The following CHAC1 variants were observed in gnomAD, a reference collection of about 807,000 sequenced individuals.
The protein encoded by CHAC1 is glutathione-specific gamma-glutamylcyclotransferase 1.
A neutral mutation model predicts 22.1 loss-of-function variants in CHAC1; 22 were observed. The observed-to-expected ratio is 1.00, with a 90% CI of 0.71 to 1.42. CHAC1 has a LOEUF of 1.42. Among genes scored for constraint, CHAC1 ranks in the 40% most tolerant of loss-of-function variants. CHAC1 has a pLI of 0.00. For missense variants in CHAC1, 272 were observed against 299.2 expected (o/e 0.91, Z 0.67); for synonymous variants, 145 against 128.7 (o/e 1.13, Z -0.86).
At chr15:40,953,875 TG>T (rs1893167690) in intron 1 of CHAC1, 61 bp downstream of exon 1, 1 of 1,284,024 alleles carries the variant, frequency 7.8e-7, no homozygotes, top group South Asian at 1.4e-5. Context: ...TGGGCGCCAG[TG>T]CCCTGGAATG....
rs763522455 is a variant in CHAC1, at chr15:40,953,762, A to G, written c.179A>G (p.Tyr60Cys). 8.1e-6 allele frequency: 13 copies of G among 1,599,854 alleles called. No individual in the cohort carries two copies. In the South Asian group the frequency reaches 1.1e-4, roughly 14 times the overall value. The change falls in exon 1 of 3, where the codon TAC becomes TGC. Residue 60 changes from tyrosine (Y) to cysteine (C), a missense_variant. Transcript: ENST00000617768. ...AGCCGTGTGGGCTTCGTGCGCGGCT[A>G]CAGCCGCCGTTTCTGGCAGGGAGAC... Reference protein sequence around the residue: ...SDSRVGFVRGYSRRFWQGDTF... With the variant: ...SDSRVGFVRGCSRRFWQGDTF...
rs762440240 is a variant in CHAC1, at chr15:40,955,764, C to T, written c.659C>T (p.Ala220Val). 323 of 1,593,872 alleles carry T rather than the reference C, an allele frequency of 2.0e-4. No individual in the cohort carries two copies. The highest frequency in any genetic ancestry group is 4.5e-4 in the East Asian group (20 of 44,690). Residue 220 changes from alanine (A) to valine (V), a missense_variant, in exon 3 of 3, where the codon GCG becomes GTG. Coordinates refer to ENST00000617768, the MANE Select transcript of CHAC1 (RefSeq NM_024111.6). Reference sequence around the variant, plus strand: ...TTCTGCCCCACCGAGCAGGCTCTGGCGCTGGTGTGAGGGGCTGAGCCCCTG... The same window carrying T: ...TTCTGCCCCACCGAGCAGGCTCTGGTGCTGGTGTGAGGGGCTGAGCCCCTG... ...PCFCPTEQAL[A>V]LV
chr15:40,953,566 A>G lies in CHAC1; in HGVS notation c.-18A>G, dbSNP rs1893153932. 1 of 1,609,548 alleles carries G rather than the reference A, an allele frequency of 6.2e-7. No homozygotes were observed. Among genetic ancestry groups the G allele is most frequent in the Non-Finnish European group, 8.5e-7 (1 of 1,179,840 alleles). ...CCAGCCCCGGAGGCCGCCTGGGCCT[A>G]TCCCTGTGCCAGGCACCATGAAGCA... On this transcript the variant is annotated 5_prime_UTR_variant, in exon 1 of 3. Coordinates refer to ENST00000617768, the MANE Select transcript of CHAC1 (RefSeq NM_024111.6).
At chr15:40,955,093 A>T (rs1893207503) in intron 2 of CHAC1, among the ~76,000 whole-genome samples, 1 of 152,072 alleles carries the variant, frequency 6.6e-6, no homozygotes, top group Non-Finnish European at 1.5e-5. Context: ...GGGTTTCACC[A>T]TTTTGGCCAG....
In CHAC1 at chr15:40,955,686, A is replaced by T; in HGVS notation, c.581A>T (p.Gln194Leu). 1 of 1,610,092 alleles carries T rather than the reference A, an allele frequency of 6.2e-7. No individual in the cohort carries two copies. The highest frequency in any genetic ancestry group is 8.5e-7 in the Non-Finnish European group (1 of 1,179,998). ...ATGCAGCTCTGTGGGCCTCAGGCGC[A>T]GGACGAGCACCTGGCAGCCATCGTG... is the stretch of plus-strand genomic sequence containing the variant. ...DFMQLCGPQA[Q>L]DEHLAAIVDA... The change falls in exon 3 of 3, where the codon CAG becomes CTG. Residue 194 changes from glutamine to leucine, a missense_variant. Coordinates refer to ENST00000617768, the MANE Select transcript of CHAC1 (RefSeq NM_024111.6).
intron 1 of CHAC1, 27 bp downstream of exon 1, chr15:40,953,841 G>T: frequency 6.5e-7 from 1 of 1,543,194 alleles, no homozygotes; most frequent in Non-Finnish European, 8.7e-7. Flanking sequence ...GCCCAGGGGA[G>T]TGAGGGGGTT....
At chr15:40,954,145 C>T in intron 1 of CHAC1, 83 bp from the exon 2 acceptor site, 1 of 1,468,104 alleles carries the variant, frequency 6.8e-7, no homozygotes, top group South Asian at 1.1e-5. Flanking sequence ...AGGCCCGGGT[C>T]AGCGGGATTG....
Position 40,955,458 on chromosome 15 carries a change from T to C in CHAC1, c.353T>C (p.Leu118Pro). 6.2e-6 allele frequency: 10 copies of C among 1,614,122 alleles called. No homozygotes were observed. Among genetic ancestry groups the C allele is most frequent in the Non-Finnish European group, 8.5e-6 (10 of 1,179,984 alleles). ...LKYLNVREAVLGGYDTKEVTF... is the reference protein window; with the variant it reads ...LKYLNVREAVPGGYDTKEVTF... Reference sequence around the variant, plus strand: ...TACCTGAATGTGCGAGAGGCAGTGCTTGGTGGCTACGATACCAAGGAGGTC... The same window carrying C: ...TACCTGAATGTGCGAGAGGCAGTGCCTGGTGGCTACGATACCAAGGAGGTC... The change falls in exon 3 of 3, where the codon CTT becomes CCT. Residue 118 changes from leucine to proline, a missense_variant. Physicochemically the swap from Leu to Pro is moderately conservative, Grantham distance 98. Coordinates refer to ENST00000617768, the MANE Select transcript of CHAC1 (RefSeq NM_024111.6).
Position 40,955,407 on chromosome 15 carries a change from G to A in CHAC1, c.302G>A (p.Gly101Glu). Reference sequence around the variant, plus strand: ...TGGGGCGTGGCATACCAAGTGCAAGGGGAGCAGGTAAGCAAGGCCCTGAAG... The same window carrying A: ...TGGGGCGTGGCATACCAAGTGCAAGAGGAGCAGGTAAGCAAGGCCCTGAAG... ...CTWGVAYQVQGEQVSKALKYL... is the reference protein window; with the variant it reads ...CTWGVAYQVQEEQVSKALKYL... The change falls in exon 3 of 3, where the codon GGG becomes GAG. Residue 101 changes from glycine (G) to glutamate (E), a missense_variant. Coordinates refer to ENST00000617768, the MANE Select transcript of CHAC1 (RefSeq NM_024111.6). 1 of 1,613,998 alleles carries A rather than the reference G, an allele frequency of 6.2e-7. No individual in the cohort carries two copies. The highest frequency in any genetic ancestry group is 8.5e-7 in the Non-Finnish European group (1 of 1,179,968).
In CHAC1 at chr15:40,955,728, T is replaced by C. The variant is rs1219466531; in HGVS notation, c.623T>C (p.Met208Thr). The part of the protein sequence containing the change: ...LAAIVDAVGT[M>T]LPCFCPTEQA... ...GCCATCGTGGACGCTGTGGGCACCA[T>C]GTTGCCCTGCTTCTGCCCCACCGAG... Residue 208 changes from methionine to threonine, a missense_variant, in exon 3 of 3, where the codon ATG becomes ACG. Physicochemically the swap from Met to Thr is moderately conservative, Grantham distance 81. Transcript: ENST00000617768. 1 of 1,603,552 alleles carries C rather than the reference T, an allele frequency of 6.2e-7. No homozygotes were observed. The highest frequency in any genetic ancestry group is 8.5e-7 in the Non-Finnish European group (1 of 1,179,612).
rs560732624 is a variant in CHAC1 at position 40,953,996 on chromosome 15, A to G, written c.231+182A>G. Among the ~76,000 whole-genome samples the G allele has an allele frequency of 5.3e-5, 8 of 151,962 alleles. No individual in the cohort carries two copies. In the East Asian group the frequency reaches 1.4e-3, roughly 26 times the overall value. On this transcript the variant is annotated intron_variant, in intron 1 of 2. Coordinates refer to ENST00000617768, the MANE Select transcript of CHAC1 (RefSeq NM_024111.6). The stretch of plus-strand genomic sequence containing the variant: ...ATCACTGTGATGGCTGGAGTCTGTG[A>G]ACCTGTGGATCCCTGTGTTGATCAC...
chr15:40,953,836 G>A, intron 1 of CHAC1, 22 bp downstream of exon 1: 1 of 1,546,518 alleles, frequency 6.5e-7, no homozygotes, highest in Non-Finnish European at 8.7e-7. Flanking sequence ...ACCGTGCCCA[G>A]GGGAGTGAGG....
In CHAC1 at chr15:40,953,665, G is replaced by T. The variant is rs1227860030; in HGVS notation, c.82G>T (p.Gly28Cys). The T allele has an allele frequency of 1.2e-6, 2 of 1,608,866 alleles. No individual in the cohort carries two copies. Among genetic ancestry groups the T allele is most frequent in the African/African-American group, 1.3e-5 (1 of 74,934 alleles). ...GTCCGCTCAGTTCCCCCGAAACGAC[G>T]GCGACCCTCAAGCGCTGTGGATTTT... ...TPSAQFPRND[G>C]DPQALWIFGY... is the part of the protein sequence containing the mutation. The change falls in exon 1 of 3, where the codon GGC (glycine) becomes TGC (cysteine). Residue 28 changes from glycine to cysteine, a missense_variant. Physicochemically the swap from Gly to Cys is radical, Grantham distance 159. Transcript: ENST00000617768.
rs766344919 is a variant in CHAC1, at chr15:40,954,223, C to T, written c.232-5C>T. On this transcript the variant is annotated splice_region_variant and splice_polypyrimidine_tract_variant and intron_variant, in intron 1 of 2. Transcript: ENST00000617768. Reference sequence around the variant, plus strand: ...TCTATTTCAAAATATTTCTTCCCTCCCTAGCCTGGCCGTGTGGTGACGCTC... The same window carrying T: ...TCTATTTCAAAATATTTCTTCCCTCTCTAGCCTGGCCGTGTGGTGACGCTC... 6 of 1,613,930 alleles carry T rather than the reference C, an allele frequency of 3.7e-6. No individual in the cohort carries two copies. The highest frequency in any genetic ancestry group is 2.2e-5 in the East Asian group (1 of 44,890).
In CHAC1 at chr15:40,955,371, A is replaced by T; in HGVS notation, c.268-2A>T. 9 of 1,613,390 alleles carry T rather than the reference A, an allele frequency of 5.6e-6. No individual in the cohort carries two copies. The highest frequency in any genetic ancestry group is 6.8e-6 in the Non-Finnish European group (8 of 1,179,580). On this transcript the variant is annotated splice_acceptor_variant, in intron 2 of 2. Transcript: ENST00000617768. LOFTEE classifies it high-confidence loss of function. Reference sequence around the variant, plus strand: ...ACCCCGGGTGTCCCTATTTCTTCCCAGGGCTGCACTTGGGGCGTGGCATAC... The same window carrying T: ...ACCCCGGGTGTCCCTATTTCTTCCCTGGGCTGCACTTGGGGCGTGGCATAC...
rs1400549252 is a variant in CHAC1 at position 40,955,425 on chromosome 15, C to T, written c.320C>T (p.Ala107Val). 3.1e-6 allele frequency: 5 copies of T among 1,613,990 alleles called. No individual in the cohort carries two copies. Among genetic ancestry groups the T allele is most frequent in the Non-Finnish European group, 4.2e-6 (5 of 1,180,016 alleles). ...YQVQGEQVSK[A>V]LKYLNVREAV... ...GTGCAAGGGGAGCAGGTAAGCAAGG[C>T]CCTGAAGTACCTGAATGTGCGAGAG... Residue 107 changes from alanine to valine, a missense_variant, in exon 3 of 3, where the codon GCC (alanine) becomes GTC (valine). By Grantham distance (64) the Ala-to-Val change is moderately conservative. Coordinates refer to ENST00000617768, the MANE Select transcript of CHAC1 (RefSeq NM_024111.6).
At chr15:40,954,409 C>A in intron 2 of CHAC1, 146 bp downstream of exon 2, 2 of 808,596 alleles carry the variant, frequency 2.5e-6, no homozygotes, top group South Asian at 1.5e-5. Flanking sequence ...TGCTTCTCAC[C>A]AAATCACATG....
Position 40,955,297 on chromosome 15 carries a change from G to T in CHAC1, c.268-76G>T, listed in dbSNP as rs564927122. On this transcript the variant is annotated intron_variant, in intron 2 of 2. Transcript: ENST00000617768. Reference sequence around the variant, plus strand: ...CTTATAGAGCACAGTCCTGGGTGGGGGTGGCATGTTAGGATAGGAGAGGGA... The same window carrying T: ...CTTATAGAGCACAGTCCTGGGTGGGTGTGGCATGTTAGGATAGGAGAGGGA... The T allele has an allele frequency of 2.8e-5, 43 of 1,509,280 alleles. No homozygotes were observed. The East Asian group carries it at 8.1e-4, about 29-fold the overall frequency. 93.5% of individuals were successfully genotyped at this position (1,509,280 alleles called of 1,614,324 possible).
intron 1 of CHAC1, 124 bp downstream of exon 1, chr15:40,953,938 T>G (rs2140379455): frequency 1.3e-6 from 1 of 787,314 alleles, no homozygotes; most frequent in African/African-American, 1.7e-5. Context: ...GTGTCTGGGG[T>G]TTGTGGCTCA....
Sources: gnomAD v4.1 joint callset for allele counts (sites outside exome capture counted in the v4.1 genomes callset) on GRCh38, gnomAD v4.1.1 for gene constraint, MANE v1.5 for transcripts, NCBI Gene and HGNC (gene_info 2026-07-23, HGNC 2026-07-21) for gene names.